The following PBRM1 variants were observed in gnomAD, a reference collection of about 807,000 sequenced individuals.
The protein encoded by PBRM1 is polybromo 1.
Under a neutral mutation model 194.5 loss-of-function variants are expected in PBRM1, and 27 were observed. The ratio of observed to expected loss-of-function variants is 0.14; its 90% CI spans 0.10 to 0.19. The LOEUF (loss-of-function observed/expected upper bound fraction) is 0.19. Ranked by LOEUF, PBRM1 falls within the 10% of genes least tolerant of loss-of-function variation. The pLI is 1.00. For missense variants in PBRM1, 1,466 were observed against 2,077.2 expected (o/e 0.71, Z 5.72); for synonymous variants, 655 against 693.2 (o/e 0.94, Z 0.87).
At chr3:52,670,089 G>C (rs575424691) in intron 2 of PBRM1, among the ~76,000 whole-genome samples, 6 of 152,278 alleles carry the variant, frequency 3.9e-5, no homozygotes, top group South Asian at 2.1e-4. Flanking sequence ...TCCTTGCTGA[G>C]GCAGGACCCC....
At chr3:52,656,754 T>C (rs949943202) in intron 5 of PBRM1, among the ~76,000 whole-genome samples, 7 of 151,812 alleles carry the variant, frequency 4.6e-5, no homozygotes, top group South Asian at 2.1e-4. Context: ...CCAATGTCCA[T>C]TGACAGATGA....
In PBRM1 at chr3:52,642,046, CT is replaced by C; in HGVS notation, c.996-2del. The C allele has an allele frequency of 1.4e-6, 2 of 1,381,814 alleles. No homozygotes were observed. The highest frequency in any genetic ancestry group is 2.0e-6 in the Non-Finnish European group (2 of 991,818). 85.6% of individuals were successfully genotyped at this position (1,381,814 alleles called of 1,614,324 possible). On this transcript the variant is annotated splice_acceptor_variant, in intron 9 of 29. Transcript: ENST00000296302. LOFTEE classifies it high-confidence loss of function. ...ACCTCCTTGTACTGCTCTTTTATTA[CT>C]ACAAAAAAAAAAAAAGCAATTAGAC...
chr3:52,658,543 C>T (rs1577831815), intron 4 of PBRM1, among the ~76,000 whole-genome samples: 1 of 151,890 alleles, frequency 6.6e-6, no homozygotes. Context: ...TATAGGCATG[C>T]GCCACCAGGC....
rs1280385160 is a variant in PBRM1 at position 52,636,805 on chromosome 3, C to T, written c.1088-1990G>A. On this transcript the variant is annotated intron_variant, in intron 10 of 29. Coordinates refer to ENST00000296302, the Ensembl canonical transcript of PBRM1. The stretch of plus-strand genomic sequence containing the variant: ...AAAAAAAGAATTTAATTAGGCCAGG[C>T]GCAGTGACTCACACTTGTAATCCTG... Among the ~76,000 whole-genome samples the T allele has an allele frequency of 2.1e-4, 25 of 118,776 alleles. No individual in the cohort carries two copies. In the Admixed American group the frequency reaches 2.4e-3, roughly 12 times the overall value. The allele number at this position is 118,776 out of a possible 152,430, so 77.9% of individuals were successfully genotyped here.
chr3:52,619,858 A>C (rs1457998859), intron 13 of PBRM1, among the ~76,000 whole-genome samples: 2 of 152,166 alleles, frequency 1.3e-5, no homozygotes. Context: ...AAGGCAAACA[A>C]AGTGATTTAA....
chr3:52,628,232 A>G (rs949620634), intron 12 of PBRM1, among the ~76,000 whole-genome samples: 1 of 151,934 alleles, frequency 6.6e-6, no homozygotes, highest in African/African-American at 2.4e-5. Flanking sequence ...ATGATGGAAT[A>G]TCATCGGTGA....
chr3:52,685,807 G>C (rs2097304993), exon 1 of PBRM1: 2 of 315,492 alleles, frequency 6.3e-6, no homozygotes, highest in Non-Finnish European at 1.2e-5. Flanking sequence ...GCCCCGCCCC[G>C]TGGCCGCCAC....
chr3:52,681,227 C>G (rs2097199613), upstream of PBRM1: 1 of 151,788 alleles, frequency 6.6e-6, no homozygotes, highest in African/African-American at 2.4e-5. Context: ...GGTTGGGGAT[C>G]TCCAGGAAAC....
chr3:52,673,671 CA>C (rs1324914906), intron 2 of PBRM1, among the ~76,000 whole-genome samples: 2,162 of 39,262 alleles, frequency 0.055, 15 homozygotes, highest in African/African-American at 0.13. Context: ...GACTCCATCT[CA>C]AAAAAAAAAA....
At chr3:52,596,166 G>A (rs956727165) in intron 17 of PBRM1, among the ~76,000 whole-genome samples, 5 of 151,956 alleles carry the variant, frequency 3.3e-5, no homozygotes, top group East Asian at 1.9e-4. Context: ...GTGGCTGGGC[G>A]CGGTGGCTCA....
At chr3:52,674,931 A>G (rs2097062124) in intron 2 of PBRM1, among the ~76,000 whole-genome samples, 1 of 151,728 alleles carries the variant, frequency 6.6e-6, no homozygotes, top group Admixed American at 6.6e-5. Context: ...TTGCCACTGC[A>G]CTCCAGCCTG....
intron 14 of PBRM1, among the ~76,000 whole-genome samples, 196 bp from the exon 17 acceptor site, chr3:52,615,652 C>A (rs2094914200): frequency 1.3e-5 from 2 of 152,158 alleles, no homozygotes; most frequent in Admixed American, 6.5e-5. Flanking sequence ...TGTTTTTAAG[C>A]TTCCCAGGTG....
At chr3:52,620,810 A>G (rs1477240204) in intron 13 of PBRM1, among the ~76,000 whole-genome samples, 1 of 152,162 alleles carries the variant, frequency 6.6e-6, no homozygotes, top group Admixed American at 6.5e-5. Flanking sequence ...CCTTAAGTAA[A>G]GGATGTGTAA....
chr3:52,590,243 A>G (rs1179380383), intron 17 of PBRM1, among the ~76,000 whole-genome samples: 1 of 151,914 alleles, frequency 6.6e-6, no homozygotes, highest in African/African-American at 2.4e-5. Context: ...CTTGAGGTCA[A>G]GAAGAGTTCA....
chr3:52,633,620 T>G (rs1305314295), intron 11 of PBRM1, among the ~76,000 whole-genome samples: 2 of 152,160 alleles, frequency 1.3e-5, no homozygotes, highest in Non-Finnish European at 2.9e-5. Flanking sequence ...CCATTTTACA[T>G]TCCCACTATC....
At chr3:52,631,755 A>G (rs145671672) in intron 11 of PBRM1, among the ~76,000 whole-genome samples, 74 of 152,316 alleles carry the variant, frequency 4.9e-4, no homozygotes, top group African/African-American at 1.8e-3. Flanking sequence ...AGCGGGACCA[A>G]TTAAACTATT....
At chr3:52,552,809 A>C (rs1427497357) in intron 27 of PBRM1, among the ~76,000 whole-genome samples, 1 of 152,210 alleles carries the variant, frequency 6.6e-6, no homozygotes, top group Non-Finnish European at 1.5e-5. Context: ...AGGGCAAAAA[A>C]TTAAGGCCAA....
At chr3:52,637,996 C>T (rs187438307) in intron 10 of PBRM1, among the ~76,000 whole-genome samples, 9 of 152,088 alleles carry the variant, frequency 5.9e-5, no homozygotes, top group Admixed American at 2.6e-4. Context: ...CAATATCCCC[C>T]TCTCTTACTA....
At chr3:52,567,205 G>A (rs2153560419) in intron 22 of PBRM1, among the ~76,000 whole-genome samples, 1 of 152,136 alleles carries the variant, frequency 6.6e-6, no homozygotes, top group East Asian at 1.9e-4. Flanking sequence ...ATGTCTTGGA[G>A]GTCACGGCTT....
Sources: gnomAD v4.1 joint callset for allele counts (sites outside exome capture counted in the v4.1 genomes callset) on GRCh38, gnomAD v4.1.1 for gene constraint, MANE v1.5 for transcripts, NCBI Gene and HGNC (gene_info 2026-07-23, HGNC 2026-07-21) for gene names.